The following SULT1A2 variants were observed in gnomAD, a reference collection of about 807,000 sequenced individuals.
SULT1A2 encodes the protein sulfotransferase family 1A member 2.
A neutral mutation model predicts 36.0 loss-of-function variants in SULT1A2; 33 were observed. The observed-to-expected ratio is 0.92, with a 90% CI of 0.69 to 1.22. The LOEUF (loss-of-function observed/expected upper bound fraction) is 1.22. Ranked by LOEUF, SULT1A2 falls within the 50% of genes most tolerant of loss-of-function variation. The pLI is 0.00. For synonymous variants in SULT1A2, 138 were observed against 144.5 expected, an observed-to-expected ratio of 0.96 and a Z score of 0.32; for missense variants, 367 against 383.2, an observed-to-expected ratio of 0.96 and a Z score of 0.35.
chr16:28,595,485 G>A lies in SULT1A2; in HGVS notation c.275-21C>T, dbSNP rs1444188702. ...CATCCCTGAGCAGTGGGTCAGGGAA[G>A]GTCTGGTGAGCTGAAGCCCCAGCCC... On this transcript the variant is annotated intron_variant, in intron 3 of 7. Coordinates refer to ENST00000335715, the MANE Select transcript of SULT1A2 (RefSeq NM_001054.4). 6 of 1,614,006 alleles carry A rather than the reference G, an allele frequency of 3.7e-6. No homozygotes were observed. In the Admixed American group the frequency reaches 6.7e-5, roughly 18 times the overall value.
intron 4 of SULT1A2, among the ~76,000 whole-genome samples, chr16:28,594,997 G>T (rs1161760434): frequency 1.3e-5 from 2 of 151,974 alleles, no homozygotes; most frequent in African/African-American, 4.8e-5. Context: ...TGGCCAGGCT[G>T]ATCTCAAACT....
At chr16:28,592,584 C>G (rs889414394) in intron 6 of SULT1A2, 141 bp from the exon 7 acceptor site, 5 of 1,477,740 alleles carry the variant, frequency 3.4e-6, no homozygotes, top group African/African-American at 2.8e-5. Flanking sequence ...CCCTGGGACC[C>G]CAGTCCCTGG....
chr16:28,595,072 C>T (rs925060269), intron 4 of SULT1A2, among the ~76,000 whole-genome samples: 9 of 151,872 alleles, frequency 5.9e-5, no homozygotes, highest in African/African-American at 9.7e-5. Context: ...TGTGAGCCAC[C>T]GCACTGGTGG....
intron 4 of SULT1A2, among the ~76,000 whole-genome samples, chr16:28,593,831 A>T (rs1369380196): frequency 3.9e-5 from 6 of 152,194 alleles, no homozygotes; most frequent in South Asian, 2.1e-4. Flanking sequence ...ATGCTCCACC[A>T]GGCATGTTCC....
At position 28,595,874 on chromosome 16, in the gene SULT1A2, C is replaced by T. The variant is rs199986857; in HGVS notation, c.57G>A (p.Pro19=). Residue 19 remains proline, a synonymous_variant, in exon 2 of 8, where the codon CCG becomes CCA. Coordinates refer to ENST00000335715, the MANE Select transcript of SULT1A2 (RefSeq NM_001054.4). The part of the protein sequence containing the change: ...RPPLEYVKGV[P]LIKYFAEALG... ...GTGCCTCTGCAAAGTACTTGATGAG[C>T]GGGACCCCCTTCACGTACTCCAGTG... The T allele has an allele frequency of 1.7e-5, 27 of 1,610,450 alleles. No individual in the cohort carries two copies. The highest frequency in any genetic ancestry group is 3.3e-5 in the Admixed American group (2 of 59,876).
chr16:28,596,821 G>A (rs2088727), intron 1 of SULT1A2, 176 bp downstream of exon 1: 13,094 of 367,494 alleles, frequency 0.036, 481 homozygotes, highest in East Asian at 0.18. Context: ...AGCAAGACCT[G>A]GCCTCCCCGG....
Position 28,593,317 on chromosome 16 carries a change from GC to G in SULT1A2, c.528del (p.Gln177LysfsTer6), listed in dbSNP as rs1567295680. Reference sequence around the variant, plus strand: ...GTGCGGCTCAGCTCCCACCACTCTTGCACGTGCTGGTACCAGGACCCATAGG... The same window carrying G: ...GTGCGGCTCAGCTCCCACCACTCTTGACGTGCTGGTACCAGGACCCATAGG... ...EVSYGSWYQHVQEWWELSRTH... is the reference protein window; with the variant it reads ...EVSYGSWYQHXQEWWELSRTH... On this transcript the variant is annotated frameshift_variant, in exon 6 of 8. Coordinates refer to ENST00000335715, the MANE Select transcript of SULT1A2 (RefSeq NM_001054.4). LOFTEE classifies it high-confidence loss of function. 6.2e-7 allele frequency: 1 copy of G among 1,614,202 alleles called. No individual in the cohort carries two copies. The highest frequency in any genetic ancestry group is 8.5e-7 in the Non-Finnish European group (1 of 1,180,032).
rs147555218 is a variant in SULT1A2, at chr16:28,595,431, C to T, written c.308G>A (p.Arg103Gln). The change falls in exon 4 of 8, where the codon CGA becomes CAA. Residue 103 changes from arginine to glutamine, a missense_variant. Arg to Gln is a conservative substitution (Grantham distance 43, BLOSUM62 1). Coordinates refer to ENST00000335715, the MANE Select transcript of SULT1A2 (RefSeq NM_001054.4). Reference protein sequence around the residue: ...METLKNTPAPRLLKTHLPLAL... With the variant: ...METLKNTPAPQLLKTHLPLAL... ...CAGGGGCAGGTGTGTCTTCAGGAGT[C>T]GTGGGGCTGGTGTGTTTTTCAGAGT... The T allele has an allele frequency of 1.7e-4, 277 of 1,613,964 alleles. No individual in the cohort carries two copies. Among genetic ancestry groups the T allele is most frequent in the Middle Eastern group, 6.6e-4 (4 of 6,062 alleles).
chr16:28,596,851 A>C, intron 1 of SULT1A2, 146 bp downstream of exon 1: 122 of 386,682 alleles, frequency 3.2e-4, no homozygotes, highest in Non-Finnish European at 4.7e-4. Context: ...AAAGGAAGGG[A>C]GGGGGATTCA....
At chr16:28,597,050 TGGGTGTTGTGTGGGGAATGCAG>T, upstream of SULT1A2, 1 of 1,282,706 alleles carries the variant, frequency 7.8e-7, no homozygotes, top group Non-Finnish European at 1.0e-6. Context: ...TGGCTGAGTG[TGGGTGTTGTGTGGGGAATGCAG>T]GGGTGTTGTC....
At chr16:28,594,942 G>A (rs569970498) in intron 4 of SULT1A2, among the ~76,000 whole-genome samples, 32 of 149,860 alleles carry the variant, frequency 2.1e-4, no homozygotes, top group Admixed American at 1.9e-3. Context: ...CACCATGCCC[G>A]GCTAATTTTT....
chr16:28,595,685 G>A lies in SULT1A2; in HGVS notation c.149-10C>T. On this transcript the variant is annotated splice_polypyrimidine_tract_variant and intron_variant, in intron 2 of 7. Coordinates refer to ENST00000335715, the MANE Select transcript of SULT1A2 (RefSeq NM_001054.4). ...CTCACCCAGGTGGTGCCTGGAGAGGGAGGGAGATGGGAGGTGAGCAGGCTG... is the reference window on the plus strand; with the variant it reads ...CTCACCCAGGTGGTGCCTGGAGAGGAAGGGAGATGGGAGGTGAGCAGGCTG... 6.2e-7 allele frequency: 1 copy of A among 1,614,048 alleles called. No individual in the cohort carries two copies. The highest frequency in any genetic ancestry group is 8.5e-7 in the Non-Finnish European group (1 of 1,179,908).
intron 4 of SULT1A2, among the ~76,000 whole-genome samples, chr16:28,595,029 T>C (rs548635672): frequency 6.6e-6 from 1 of 152,198 alleles, no homozygotes; most frequent in East Asian, 1.9e-4. Flanking sequence ...GTGATCCACC[T>C]GCCTCAGCCT....
At chr16:28,592,482 C>T in intron 6 of SULT1A2, 39 bp from the exon 7 acceptor site, 6 of 1,614,058 alleles carry the variant, frequency 3.7e-6, no homozygotes, top group African/African-American at 1.3e-5. Context: ...GCTTGGATTG[C>T]TGATTCAGGA....
chr16:28,592,558 G>C, intron 6 of SULT1A2, 115 bp from the exon 7 acceptor site: 2 of 1,564,952 alleles, frequency 1.3e-6, no homozygotes, highest in Non-Finnish European at 1.7e-6. Flanking sequence ...AAAACCCATA[G>C]AGCCAGCTCC....
chr16:28,593,570 TG>T lies in SULT1A2; in HGVS notation c.373-3del, dbSNP rs761984657. Reference sequence around the variant, plus strand: ...TGCGTTGCGGGCAACATAGACCACCTGCAGGGGCAGAAGACTCAACCCCAGC... The same window carrying T: ...TGCGTTGCGGGCAACATAGACCACCTCAGGGGCAGAAGACTCAACCCCAGC... On this transcript the variant is annotated splice_polypyrimidine_tract_variant and splice_region_variant and intron_variant, in intron 4 of 7. Transcript: ENST00000335715. The T allele has an allele frequency of 6.2e-7, 1 of 1,614,066 alleles. No individual in the cohort carries two copies. The highest frequency in any genetic ancestry group is 2.2e-5 in the East Asian group (1 of 44,864).
Position 28,595,349 on chromosome 16 carries a change from C to T in SULT1A2, c.372+18G>A. On this transcript the variant is annotated intron_variant, in intron 4 of 7. Coordinates refer to ENST00000335715, the MANE Select transcript of SULT1A2 (RefSeq NM_001054.4). ...AAGTACTGAGATTGCGGGTGTGAAC[C>T]ACTGTGCCCAGTCTCACCTTGACCT... 1 of 1,613,666 alleles carries T rather than the reference C, an allele frequency of 6.2e-7. No homozygotes were observed. The highest frequency in any genetic ancestry group is 1.3e-5 in the African/African-American group (1 of 74,996).
chr16:28,596,057 C>G, intron 1 of SULT1A2, 123 bp from the exon 2 acceptor site: 3 of 1,567,988 alleles, frequency 1.9e-6, no homozygotes, highest in Non-Finnish European at 2.6e-6. Flanking sequence ...CCCGCACTCA[C>G]AAGGCCAGTC....
chr16:28,595,316 G>T (rs754366923), intron 4 of SULT1A2, 51 bp downstream of exon 4: 1 of 1,604,750 alleles, frequency 6.2e-7, no homozygotes, highest in Non-Finnish European at 8.5e-7. Context: ...TCCCACCTCA[G>T]CCTCCCAAAG....
Sources: allele counts gnomAD v4.1 joint callset (sites outside exome capture counted in the v4.1 genomes callset), GRCh38; gene constraint gnomAD v4.1.1; transcripts MANE v1.5; gene names NCBI Gene and HGNC (gene_info 2026-07-23, HGNC 2026-07-21).